The following CREB1 variants were observed in gnomAD, a reference collection of about 807,000 sequenced individuals.
CREB1 encodes cAMP responsive element binding protein 1.
A neutral mutation model predicts 42.0 loss-of-function variants in CREB1; 2 were observed. The ratio of observed to expected loss-of-function variants is 0.05; its 90% CI spans 0.02 to 0.15. The LOEUF (loss-of-function observed/expected upper bound fraction) is 0.15, where lower values mean the gene tolerates loss of function less well. Among genes scored for constraint, CREB1 ranks in the 10% least tolerant of loss-of-function variants. CREB1 has a pLI of 1.00. For missense variants in CREB1, 199 were observed against 388.9 expected (o/e 0.51, Z 4.11); for synonymous variants, 123 against 139.9 (o/e 0.88, Z 0.85).
At chr2:207,581,661 G>T in intron 7 of CREB1, 1 of 461,616 alleles carries the variant, frequency 2.2e-6, no homozygotes, top group Admixed American at 3.9e-5. Context: ...ACAGAGTTCC[G>T]GATACCCTTC....
chr2:207,543,174 G>A (rs966487168), intron 1 of CREB1, among the ~76,000 whole-genome samples: 70 of 152,152 alleles, frequency 4.6e-4, no homozygotes, highest in African/African-American at 1.4e-3. Flanking sequence ...GTTCAGCATA[G>A]GAGTCAGCAT....
chr2:207,544,130 A>G (rs1240250134), intron 1 of CREB1, among the ~76,000 whole-genome samples: 4 of 151,536 alleles, frequency 2.6e-5, no homozygotes, highest in Non-Finnish European at 4.4e-5. Context: ...TGTGGTCTCG[A>G]TCTTCTGACC....
chr2:207,537,347 C>G (rs2080916568), intron 1 of CREB1, among the ~76,000 whole-genome samples: 1 of 152,024 alleles, frequency 6.6e-6, no homozygotes, highest in Non-Finnish European at 1.5e-5. Context: ...CTACAAAGTG[C>G]TTGTCTTTAC....
At chr2:207,572,318 A>C (rs1259331150) in intron 5 of CREB1, among the ~76,000 whole-genome samples, 1 of 152,066 alleles carries the variant, frequency 6.6e-6, no homozygotes, top group Non-Finnish European at 1.5e-5. Flanking sequence ...ATATGTACAC[A>C]TGGCTTTGGC....
At chr2:207,564,485 G>A (rs1015924039) in intron 3 of CREB1, among the ~76,000 whole-genome samples, 4 of 151,422 alleles carry the variant, frequency 2.6e-5, no homozygotes, top group Admixed American at 6.6e-5. Context: ...CTCCAGCCTC[G>A]GTGAGTGAGT....
chr2:207,564,301 A>G (rs1434659688), intron 3 of CREB1, among the ~76,000 whole-genome samples: 1 of 152,058 alleles, frequency 6.6e-6, no homozygotes, highest in Non-Finnish European at 1.5e-5. Flanking sequence ...TAAAGCCAGG[A>G]GTTCAAGACC....
At chr2:207,561,470 C>T (rs1273011838) in intron 3 of CREB1, among the ~76,000 whole-genome samples, 1 of 152,134 alleles carries the variant, frequency 6.6e-6, no homozygotes, top group Non-Finnish European at 1.5e-5. Flanking sequence ...AAATATTCTT[C>T]TCTGTGATGA....
intron 5 of CREB1, chr2:207,571,808 G>A: frequency 2.3e-6 from 1 of 440,806 alleles, no homozygotes. Context: ...GAACTAGGAA[G>A]CATGCTCTTT....
intron 7 of CREB1, among the ~76,000 whole-genome samples, chr2:207,582,340 T>C (rs2083076257): frequency 6.6e-6 from 1 of 152,246 alleles, no homozygotes; most frequent in Admixed American, 6.5e-5. Context: ...TACTATTTGC[T>C]ATTCTAATGG....
At chr2:207,580,099 T>C (rs1412779852) in intron 7 of CREB1, among the ~76,000 whole-genome samples, 5 of 152,216 alleles carry the variant, frequency 3.3e-5, no homozygotes, top group Non-Finnish European at 7.3e-5. Flanking sequence ...ATTTTATTAA[T>C]TCTACCTACA....
intron 5 of CREB1, among the ~76,000 whole-genome samples, chr2:207,574,106 A>G (rs2082480327): frequency 1.3e-5 from 2 of 152,238 alleles, no homozygotes; most frequent in South Asian, 2.1e-4. Flanking sequence ...CACTGTAGCC[A>G]TTAACTCTTC....
chr2:207,562,920 C>T (rs1370459689), intron 3 of CREB1, among the ~76,000 whole-genome samples: 1 of 152,106 alleles, frequency 6.6e-6, no homozygotes, highest in Non-Finnish European at 1.5e-5. Context: ...GTTCTGCTTG[C>T]TATAAAAGAC....
chr2:207,541,266 A>G (rs895610641), intron 1 of CREB1, among the ~76,000 whole-genome samples: 1 of 152,184 alleles, frequency 6.6e-6, no homozygotes, highest in African/African-American at 2.4e-5. Context: ...TGAAGTCTAC[A>G]ATAGTGTACA....
At chr2:207,574,632 A>G (rs982122524) in intron 5 of CREB1, among the ~76,000 whole-genome samples, 2 of 152,188 alleles carry the variant, frequency 1.3e-5, no homozygotes, top group Non-Finnish European at 2.9e-5. Context: ...ATGACAGTTA[A>G]AGTTTTTTTT....
In CREB1 at chr2:207,598,041, CCTT is replaced by C. The variant is rs2086456166; in HGVS notation, c.*985_*987del. 5.5e-6 allele frequency: 1 copy of C among 181,232 alleles called. No homozygotes were observed. Among genetic ancestry groups the C allele is most frequent in the Admixed American group, 6.3e-5 (1 of 15,894 alleles). 11.2% of individuals were successfully genotyped at this position (181,232 alleles called of 1,614,324 possible). A position where few individuals can be genotyped will look rare whatever the true frequency, so the allele number is the denominator to read the frequency against. On this transcript the variant is annotated 3_prime_UTR_variant, in exon 8 of 8. Coordinates refer to ENST00000353267, the MANE Select transcript of CREB1 (RefSeq NM_004379.5). ...CACTTACATACCACCACCAAGAAAG[CCTT>C]CAAGATGTCAAATAAAGCAAAGTGA...
chr2:207,548,055 C>G (rs2081363431), intron 1 of CREB1, among the ~76,000 whole-genome samples: 1 of 152,010 alleles, frequency 6.6e-6, no homozygotes, highest in African/African-American at 2.4e-5. Flanking sequence ...GCTTCAGCCT[C>G]CTGAGTAGCT....
At chr2:207,564,123 G>A (rs1350384940) in intron 3 of CREB1, among the ~76,000 whole-genome samples, 2 of 152,002 alleles carry the variant, frequency 1.3e-5, no homozygotes, top group South Asian at 2.1e-4. Context: ...TAAGAAAAAT[G>A]TATGCCTGTG....
At chr2:207,594,643 A>C (rs1559080149) in intron 7 of CREB1, among the ~76,000 whole-genome samples, 1 of 152,040 alleles carries the variant, frequency 6.6e-6, no homozygotes, top group African/African-American at 2.4e-5. Flanking sequence ...GGCTGCTTCC[A>C]CCTCTTGGCT....
chr2:207,553,474 T>C (rs1163064968), intron 1 of CREB1, among the ~76,000 whole-genome samples: 1 of 152,116 alleles, frequency 6.6e-6, no homozygotes, highest in East Asian at 1.9e-4. Context: ...AATCAGTTAT[T>C]ATTTGATAAT....
Sources: gnomAD v4.1 joint callset for allele counts (sites outside exome capture counted in the v4.1 genomes callset) on GRCh38, gnomAD v4.1.1 for gene constraint, MANE v1.5 for transcripts, NCBI Gene and HGNC (gene_info 2026-07-23, HGNC 2026-07-21) for gene names.